Variants in SETD2 observed in about 807,000 individuals in gnomAD.
SETD2 encodes SET domain containing 2, histone lysine methyltransferase.
SETD2 carries 31 observed loss-of-function variants against 242.1 expected under a neutral mutation model. The observed-to-expected ratio is 0.13, with a 90% CI of 0.10 to 0.17. SETD2 has a LOEUF of 0.17. Ranked by LOEUF, SETD2 falls within the 10% of genes least tolerant of loss-of-function variation. SETD2 has a pLI of 1.00. For missense variants in SETD2, 2,481 were observed against 3,046.3 expected (o/e 0.81, Z 4.37); for synonymous variants, 1,006 against 1,066.5 (o/e 0.94, Z 1.11).
rs200216964 is a variant in SETD2, at chr3:47,121,355, T to C, written c.3281A>G (p.Tyr1094Cys). 6.2e-7 allele frequency: 1 copy of C among 1,610,030 alleles called. No homozygotes were observed. The highest frequency in any genetic ancestry group is 1.1e-5 in the South Asian group (1 of 91,088). ...TTCCCAATGGTCAGAATAGTGTCTA[T>C]AACTTTGACTGCTCCGAGAAGAACA... ...SPCSSRSSQS[Y>C]RHYSDHWEDE... is the part of the protein sequence containing the mutation. The change falls in exon 3 of 21, where the codon TAT (tyrosine) becomes TGT (cysteine). Residue 1094 changes from tyrosine to cysteine, a missense_variant. Physicochemically the swap from Tyr to Cys is radical, Grantham distance 194. Transcript: ENST00000409792.
At chr3:47,057,627 T>C (rs2040137765) in intron 14 of SETD2, 137 bp from the exon 15 acceptor site, 1 of 629,344 alleles carries the variant, frequency 1.6e-6, no homozygotes, top group Admixed American at 2.9e-5. Context: ...ACAACTATAC[T>C]CAAAATTACT....
At chr3:47,048,376 G>A (rs370962727) in intron 15 of SETD2, among the ~76,000 whole-genome samples, 32 of 152,196 alleles carry the variant, frequency 2.1e-4, no homozygotes, top group African/African-American at 2.6e-4. Flanking sequence ...GCAACAGAGC[G>A]AGATGCCGTC....
intron 12 of SETD2, among the ~76,000 whole-genome samples, chr3:47,069,639 G>A (rs1017291261): frequency 6.6e-6 from 1 of 152,206 alleles, no homozygotes; most frequent in South Asian, 2.1e-4. Context: ...CCTCAGCTAA[G>A]AGACATCTGG....
At chr3:47,062,735 C>G (rs2040392996) in intron 13 of SETD2, among the ~76,000 whole-genome samples, 1 of 152,120 alleles carries the variant, frequency 6.6e-6, no homozygotes, top group Non-Finnish European at 1.5e-5. Flanking sequence ...TATTTATAAT[C>G]TATAGAAAAG....
intron 18 of SETD2, among the ~76,000 whole-genome samples, chr3:47,037,267 C>T (rs2039050813): frequency 7.1e-6 from 1 of 140,590 alleles, no homozygotes; most frequent in Non-Finnish European, 1.6e-5. Context: ...TCTCCTAATG[C>T]TATCCCTCCC....
At chr3:47,048,770 C>A (rs1482018830) in intron 15 of SETD2, among the ~76,000 whole-genome samples, 1 of 152,080 alleles carries the variant, frequency 6.6e-6, no homozygotes, top group Non-Finnish European at 1.5e-5. Context: ...CGGGTTCAAG[C>A]AATTCTCCTG....
intron 12 of SETD2, among the ~76,000 whole-genome samples, chr3:47,072,186 T>C (rs1051034749): frequency 6.6e-6 from 1 of 152,040 alleles, no homozygotes. Flanking sequence ...CGGGTGCCTG[T>C]AGTCCCAGCT....
chr3:47,164,040 G>T lies in SETD2; in HGVS notation c.-116C>A. ...GGCGGCGGCGGCGGCGGCGGCGGCGGCGGCAGGGGCGGCCCGCGTCGCTAC... is the reference window on the plus strand; with the variant it reads ...GGCGGCGGCGGCGGCGGCGGCGGCGTCGGCAGGGGCGGCCCGCGTCGCTAC... On this transcript the variant is annotated 5_prime_UTR_variant, in exon 1 of 21. Coordinates refer to ENST00000409792, the MANE Select transcript of SETD2 (RefSeq NM_014159.7). The surrounding 1 kb of genome is among the most constrained non-coding windows in gnomAD (Gnocchi z 5.4). 1 of 1,219,732 alleles carries T rather than the reference G, an allele frequency of 8.2e-7. No individual in the cohort carries two copies. The highest frequency in any genetic ancestry group is 1.0e-6 in the Non-Finnish European group (1 of 976,614). 75.6% of individuals were successfully genotyped at this position (1,219,732 alleles called of 1,614,324 possible).
In SETD2 at chr3:47,122,205, T is replaced by C. The variant is rs1015887716; in HGVS notation, c.2431A>G (p.Asn811Asp). Residue 811 changes from asparagine (N) to aspartate (D), a missense_variant, in exon 3 of 21, where the codon AAT (asparagine) becomes GAT (aspartate). Around this residue, in one of 17 missense-constraint regions of SETD2, gnomAD observed 1,300 missense variants for 1,259.2 expected, o/e 1.03. Transcript: ENST00000409792. ...NPSLCNSEAE[N>D]IEPSVMKISS... is the part of the protein sequence containing the mutation. Reference sequence around the variant, plus strand: ...ATCTTCATAACTGAAGGCTCAATATTTTCAGCTTCAGAGTTACACAAAGAA... The same window carrying C: ...ATCTTCATAACTGAAGGCTCAATATCTTCAGCTTCAGAGTTACACAAAGAA... 5 of 1,613,980 alleles carry C rather than the reference T, an allele frequency of 3.1e-6. No homozygotes were observed. The highest frequency in any genetic ancestry group is 4.2e-6 in the Non-Finnish European group (5 of 1,179,984).
intron 5 of SETD2, among the ~76,000 whole-genome samples, chr3:47,109,602 C>T (rs1443056539): frequency 1.3e-5 from 2 of 152,068 alleles, no homozygotes; most frequent in South Asian, 2.1e-4. Context: ...AAGCTGTGAT[C>T]GCGCCACTGC....
At chr3:47,030,082 G>A (rs761264560) in intron 18 of SETD2, among the ~76,000 whole-genome samples, 6 of 151,984 alleles carry the variant, frequency 3.9e-5, no homozygotes, top group Non-Finnish European at 5.9e-5. Context: ...CTGGGAAGCG[G>A]AGGTTGCAGT....
chr3:47,124,147 T>C lies in SETD2; in HGVS notation c.489A>G (p.Val163=), dbSNP rs2106721315. The change falls in exon 3 of 21, where the codon GTA becomes GTG. Residue 163 remains valine (V), a synonymous_variant. Coordinates refer to ENST00000409792, the MANE Select transcript of SETD2 (RefSeq NM_014159.7). ...SRPLLATTTA[V]ASPPTHAAPL... ...GTGCTGCATGAGTAGGTGGAGATGCTACTGCTGTGGTAGTAGCCAGCAGTG... is the reference window on the plus strand; with the variant it reads ...GTGCTGCATGAGTAGGTGGAGATGCCACTGCTGTGGTAGTAGCCAGCAGTG... 1 of 1,551,964 alleles carries C rather than the reference T, an allele frequency of 6.4e-7. No individual in the cohort carries two copies. Among genetic ancestry groups the C allele is most frequent in the Non-Finnish European group, 8.7e-7 (1 of 1,147,022 alleles).
At chr3:47,049,612 T>G (rs987225533) in intron 15 of SETD2, among the ~76,000 whole-genome samples, 1 of 147,144 alleles carries the variant, frequency 6.8e-6, no homozygotes, top group Non-Finnish European at 1.5e-5. Flanking sequence ...GACCTTGTGA[T>G]CCGCCCGCCT....
In SETD2 at chr3:47,110,826, C is replaced by T. The variant is rs370401059; in HGVS notation, c.4715+3050G>A. Reference sequence around the variant, plus strand: ...GTTCTCTGTGAATAGCTGAAGAAAACGGAAGAGCTTTAGGAAATTTTAACC... The same window carrying T: ...GTTCTCTGTGAATAGCTGAAGAAAATGGAAGAGCTTTAGGAAATTTTAACC... On this transcript the variant is annotated intron_variant, in intron 5 of 20. Transcript: ENST00000409792. Among the ~76,000 whole-genome samples, 38 of 152,110 alleles carry T rather than the reference C, an allele frequency of 2.5e-4. 1 individual carries two copies. Among genetic ancestry groups the T allele is most frequent in the Admixed American group, 1.9e-3 (29 of 15,268 alleles).
At position 47,057,374 on chromosome 3, in the gene SETD2, T is replaced by A. The variant is rs1290413013; in HGVS notation, c.6410A>T (p.Gln2137Leu). ...QEVAQREAQKQQQQMQNLGMT... is the reference protein window; with the variant it reads ...QEVAQREAQKLQQQMQNLGMT... Reference sequence around the variant, plus strand: ...TCCCAGGTTCTGCATCTGTTGCTGTTGTTTCTGAGCCTCCCGTTGAGCCAC... The same window carrying A: ...TCCCAGGTTCTGCATCTGTTGCTGTAGTTTCTGAGCCTCCCGTTGAGCCAC... The change falls in exon 15 of 21, where the codon CAA becomes CTA. Residue 2137 changes from glutamine to leucine, a missense_variant. Coordinates refer to ENST00000409792, the MANE Select transcript of SETD2 (RefSeq NM_014159.7). 1 of 1,614,248 alleles carries A rather than the reference T, an allele frequency of 6.2e-7. No individual in the cohort carries two copies.
At chr3:47,131,232 A>C (rs2043467484) in intron 1 of SETD2, among the ~76,000 whole-genome samples, 2 of 152,258 alleles carry the variant, frequency 1.3e-5, no homozygotes, top group South Asian at 2.1e-4. Context: ...AAACTACCAG[A>C]AAGTTTAGAA....
At chr3:47,053,900 A>G (rs1311993229) in intron 15 of SETD2, among the ~76,000 whole-genome samples, 1 of 152,248 alleles carries the variant, frequency 6.6e-6, no homozygotes, top group Non-Finnish European at 1.5e-5. Flanking sequence ...TGAATCTATC[A>G]TTATTAATAT....
At chr3:47,026,593 G>T (rs550282945) in intron 18 of SETD2, among the ~76,000 whole-genome samples, 1 of 151,952 alleles carries the variant, frequency 6.6e-6, no homozygotes, top group East Asian at 1.9e-4. Flanking sequence ...AGAAAAGGTG[G>T]CATATATACA....
At position 47,065,371 on chromosome 3, in the gene SETD2, C is replaced by CA. The variant is rs199748671; in HGVS notation, c.6109+1698dup. ...GTTATGCACACCAAAAATAAAAAGA[C>CA]AAAAAAAAAAAATCACACTGGCTTC... On this transcript the variant is annotated intron_variant, in intron 13 of 20. Transcript: ENST00000409792. 5.8e-3 allele frequency among the ~76,000 whole-genome samples: 815 copies of CA among 139,980 alleles called. 9 individuals carry two copies. The highest frequency in any genetic ancestry group is 0.014 in the African/African-American group (546 of 38,518). 91.8% of individuals were successfully genotyped at this position (139,980 alleles called of 152,430 possible).
Sources: gnomAD v4.1 joint callset for allele counts (sites outside exome capture counted in the v4.1 genomes callset) on GRCh38, gnomAD v4.1.1 for gene constraint, gnomAD v4.1.1 regional missense constraint, Gnocchi (gnomAD v3.1) non-coding constraint, MANE v1.5 for transcripts, NCBI Gene and HGNC (gene_info 2026-07-23, HGNC 2026-07-21) for gene names.